The following GPC4 variants were observed in gnomAD, a reference collection of about 807,000 sequenced individuals.
The protein encoded by GPC4 is glypican 4, also known as glypican-4.
Under a neutral mutation model 35.0 loss-of-function variants are expected in GPC4, and 10 were observed. The ratio of observed to expected loss-of-function variants is 0.29; its 90% CI spans 0.18 to 0.48. The LOEUF is 0.48. Ranked by LOEUF, GPC4 falls within the 20% of genes least tolerant of loss-of-function variation. GPC4 has a pLI of 0.99. For synonymous variants in GPC4, 167 were observed against 170.2 expected (o/e 0.98, Z 0.15); for missense variants, 322 against 451.3 (o/e 0.71, Z 2.60).
intron 5 of GPC4, 47 bp from the exon 6 acceptor site, chrX:133,305,965 C>T (rs750565638): frequency 2.2e-5 from 26 of 1,207,871 alleles, no homozygotes; most frequent in Non-Finnish European, 2.9e-5. Flanking sequence ...ACTCCCAAGG[C>T]GGGAGGCGGA....
intron 1 of GPC4, among the ~76,000 whole-genome samples, chrX:133,377,196 G>A (rs918146143): frequency 8.9e-6 from 1 of 112,078 alleles, no homozygotes; most frequent in Non-Finnish European, 1.9e-5. Flanking sequence ...GCCAACTGTG[G>A]GATCATGACC....
At chrX:133,363,727 GT>G (rs2068578551) in intron 1 of GPC4, among the ~76,000 whole-genome samples, 1 of 110,977 alleles carries the variant, frequency 9.0e-6, no homozygotes, top group Non-Finnish European at 1.9e-5. Flanking sequence ...ACTTCATTGA[GT>G]TTTAGTATAT....
intron 1 of GPC4, among the ~76,000 whole-genome samples, chrX:133,388,551 T>G (rs768478153): frequency 9.0e-6 from 1 of 111,271 alleles, no homozygotes; most frequent in Non-Finnish European, 1.9e-5. Context: ...TTTTTTTTTT[T>G]TGAAACGGAG....
intron 4 of GPC4, 149 bp from the exon 5 acceptor site, chrX:133,306,303 A>T: frequency 6.5e-6 from 4 of 617,207 alleles, no homozygotes; most frequent in Non-Finnish European, 1.0e-5. Context: ...TCTTGTTTTT[A>T]TGTCTATTTC....
intron 3 of GPC4, among the ~76,000 whole-genome samples, chrX:133,315,834 TAA>T (rs752330511): frequency 1.8e-5 from 2 of 111,772 alleles, no homozygotes; most frequent in East Asian, 5.6e-4. Flanking sequence ...TAGATATTAG[TAA>T]GTTCCAGAAT....
chrX:133,339,826 A>C (rs902576367), intron 1 of GPC4, among the ~76,000 whole-genome samples: 3 of 112,122 alleles, frequency 2.7e-5, no homozygotes, highest in Non-Finnish European at 5.6e-5. Context: ...CTGTGGGGAA[A>C]CAAAGGGATT....
At position 133,408,664 on chromosome X, in the gene GPC4, G is replaced by A. The variant is rs1009253457; in HGVS notation, c.160+6142C>T. ...CAGGAGAATGGCTTGAACCAGAGGC[G>A]GAGGTTGCGGAGAGCTGAGATCGTG... On this transcript the variant is annotated intron_variant, in intron 1 of 8. Transcript: ENST00000370828. Among the ~76,000 whole-genome samples the A allele has an allele frequency of 2.7e-5, 3 of 110,885 alleles. No homozygotes were observed. In the South Asian group the frequency reaches 1.2e-3, roughly 43 times the overall value.
Position 133,301,318 on chromosome X carries a change from A to C in GPC4, c.*1549T>G, listed in dbSNP as rs926328074. ...AGTTGGGATCTTAATGGCTGTCTAA[A>C]GCAGGAAGAGACAGAATTTTAGTCT... On this transcript the variant is annotated 3_prime_UTR_variant, in exon 9 of 9. Coordinates refer to ENST00000370828, the MANE Select transcript of GPC4 (RefSeq NM_001448.3). 1 of 113,195 alleles carries C rather than the reference A, an allele frequency of 8.8e-6. No individual in the cohort carries two copies. The highest frequency in any genetic ancestry group is 3.2e-5 in the African/African-American group (1 of 31,118). The allele number at this position is 113,195 out of a possible 1,213,427, so 9.3% of individuals were successfully genotyped here.
At chrX:133,329,421 G>A (rs1187726343) in intron 2 of GPC4, among the ~76,000 whole-genome samples, 1 of 111,735 alleles carries the variant, frequency 8.9e-6, no homozygotes, top group African/African-American at 3.2e-5. Context: ...GGACATAAAT[G>A]AAGCCAAAGC....
intron 4 of GPC4, among the ~76,000 whole-genome samples, chrX:133,309,386 G>C (rs1040489137): frequency 1.8e-5 from 2 of 112,514 alleles, no homozygotes; most frequent in African/African-American, 6.5e-5. Context: ...TCGAGTAACT[G>C]ATTTAAAACA....
rs929614684 is a variant in GPC4, at chrX:133,300,988, T to A, written c.*1879A>T. ...TAAATGGAGTGCCTTTTCAATTTTA[T>A]GTCTTCTGATTTGTTTTAAAAAAAA... On this transcript the variant is annotated 3_prime_UTR_variant, in exon 9 of 9. Coordinates refer to ENST00000370828, the MANE Select transcript of GPC4 (RefSeq NM_001448.3). 9.0e-6 allele frequency: 1 copy of A among 111,510 alleles called. No individual in the cohort carries two copies. Among genetic ancestry groups the A allele is most frequent in the African/African-American group, 3.3e-5 (1 of 30,540 alleles). The allele number at this position is 111,510 out of a possible 1,213,427, so 9.2% of individuals were successfully genotyped here. A position where few individuals can be genotyped will look rare whatever the true frequency, so the allele number is the denominator to read the frequency against.
chrX:133,303,253 T>G lies in GPC4; in HGVS notation c.1381A>C (p.Ile461Leu). The G allele has an allele frequency of 8.3e-7, 1 of 1,211,308 alleles. No homozygotes were observed. The highest frequency in any genetic ancestry group is 1.1e-6 in the Non-Finnish European group (1 of 895,090). ...CGAAGAGCCATGATTTGACGAAGGA[T>G]CAGTATGTCTGGTTTGCTGGTGTCA... ...QVDTSKPDIL[I>L]LRQIMALRVM... The change falls in exon 8 of 9, where the codon ATC becomes CTC. Residue 461 changes from isoleucine (I) to leucine (L), a missense_variant. This residue lies in a region of GPC4 where 99 missense variants were observed against 110.0 expected (regional missense o/e 0.90). Transcript: ENST00000370828.
intron 1 of GPC4, among the ~76,000 whole-genome samples, chrX:133,342,775 T>TA (rs1157036625): frequency 9.0e-6 from 1 of 110,866 alleles, no homozygotes; most frequent in Non-Finnish European, 1.9e-5. Flanking sequence ...CATGTTCTGG[T>TA]AAAAAATCTT....
Position 133,300,589 on chromosome X carries a change from C to T in GPC4, c.*2278G>A, listed in dbSNP as rs986239889. On this transcript the variant is annotated 3_prime_UTR_variant, in exon 9 of 9. Transcript: ENST00000370828. ...ATTTGTTTATTTCATAGTTGAAGTT[C>T]AAAAGCAAGAGACAATTTAAATAAT... The T allele has an allele frequency of 9.0e-6, 1 of 111,031 alleles. No homozygotes were observed. Among genetic ancestry groups the T allele is most frequent in the Admixed American group, 9.6e-5 (1 of 10,398 alleles). The allele number at this position is 111,031 out of a possible 1,213,427, so 9.2% of individuals were successfully genotyped here.
chrX:133,326,642 C>T (rs1039251163), intron 2 of GPC4, among the ~76,000 whole-genome samples: 2 of 112,336 alleles, frequency 1.8e-5, no homozygotes, highest in Non-Finnish European at 3.8e-5. Flanking sequence ...TCACCAACAA[C>T]TCAGGGGCTG....
At chrX:133,367,196 A>G (rs1377680114) in intron 1 of GPC4, among the ~76,000 whole-genome samples, 2 of 112,154 alleles carry the variant, frequency 1.8e-5, no homozygotes, top group Non-Finnish European at 3.8e-5. Flanking sequence ...TCAAAACGCC[A>G]AGAACTCAGA....
At chrX:133,304,606 T>C (rs935268134) in intron 7 of GPC4, 119 bp downstream of exon 7, 79 of 841,739 alleles carry the variant, frequency 9.4e-5, no homozygotes, top group Admixed American at 6.8e-4. Flanking sequence ...TTCCATGTTG[T>C]TGCTACCTAC....
chrX:133,335,312 T>C (rs893746879), intron 2 of GPC4, among the ~76,000 whole-genome samples: 1 of 111,138 alleles, frequency 9.0e-6, no homozygotes, highest in Non-Finnish European at 1.9e-5. Context: ...AGTTAAAAAG[T>C]GGGTTTAAAA....
intron 1 of GPC4, among the ~76,000 whole-genome samples, chrX:133,365,993 T>G (rs2068588221): frequency 8.9e-6 from 1 of 111,887 alleles, no homozygotes; most frequent in Non-Finnish European, 1.9e-5. Flanking sequence ...TAATAAGCAA[T>G]CCCTCAAGAG....
Sources: gnomAD v4.1 joint callset for allele counts (sites outside exome capture counted in the v4.1 genomes callset) on GRCh38, gnomAD v4.1.1 for gene constraint, gnomAD v4.1.1 regional missense constraint, MANE v1.5 for transcripts, NCBI Gene and HGNC (gene_info 2026-07-23, HGNC 2026-07-21) for gene names.